The following SLIT1 variants were observed in gnomAD, a reference collection of about 807,000 sequenced individuals.
SLIT1 encodes slit homolog 1 protein.
Under a neutral mutation model 186.1 loss-of-function variants are expected in SLIT1, and 66 were observed. The observed-to-expected ratio is 0.35, with a 90% CI of 0.29 to 0.44. The LOEUF is 0.44. Among genes scored for constraint, SLIT1 ranks in the 20% least tolerant of loss-of-function variants. SLIT1 has a pLI of 1.00. For synonymous variants in SLIT1, 761 were observed against 833.8 expected (o/e 0.91, Z 1.50); for missense variants, 1,638 against 2,037.4 (o/e 0.80, Z 3.77).
intron 4 of SLIT1, among the ~76,000 whole-genome samples, chr10:97,137,053 G>T (rs1849710184): frequency 6.6e-6 from 1 of 152,134 alleles, no homozygotes; most frequent in African/African-American, 2.4e-5. Flanking sequence ...CCTGCAGTGA[G>T]GTCAAATAAA....
At chr10:97,150,332 A>T (rs1026922111) in intron 4 of SLIT1, among the ~76,000 whole-genome samples, 1 of 152,188 alleles carries the variant, frequency 6.6e-6, no homozygotes, top group African/African-American at 2.4e-5. Context: ...TCAGCAGAGA[A>T]TGCCCTCCTG....
chr10:97,078,503 C>T (rs551782117), intron 4 of SLIT1, among the ~76,000 whole-genome samples: 19 of 152,188 alleles, frequency 1.2e-4, no homozygotes, highest in African/African-American at 3.9e-4. Context: ...ACTGAGCATG[C>T]GTTCCCCCAA....
At position 97,166,569 on chromosome 10, in the gene SLIT1, G is replaced by GAGAAAGAAAGAAAGAA. The variant is rs1554854785; in HGVS notation, c.198-1695_198-1680dup. ...AAGGAAGGAAGGAAAGAGAGAGAGAGAGAAAGAAAGAAAGAAAGAAAGAAA... is the reference window on the plus strand; with the variant it reads ...AAGGAAGGAAGGAAAGAGAGAGAGAGAGAAAGAAAGAAAGAAAGAAAGAAAGAAAGAAAGAAAGAAA... On this transcript the variant is annotated intron_variant, in intron 1 of 36. Coordinates refer to ENST00000266058, the MANE Select transcript of SLIT1 (RefSeq NM_003061.3). Among the ~76,000 whole-genome samples the GAGAAAGAAAGAAAGAA allele has an allele frequency of 6.1e-4, 36 of 58,944 alleles. 1 individual carries two copies. Among genetic ancestry groups the GAGAAAGAAAGAAAGAA allele is most frequent in the Admixed American group, 7.6e-4 (4 of 5,276 alleles). 38.7% of individuals were successfully genotyped at this position (58,944 alleles called of 152,430 possible).
At chr10:97,045,168 C>G (rs568706823) in intron 18 of SLIT1, among the ~76,000 whole-genome samples, 2 of 151,862 alleles carry the variant, frequency 1.3e-5, no homozygotes, top group East Asian at 1.9e-4. Flanking sequence ...GTTATAGCAG[C>G]CTGAACCCAC....
intron 21 of SLIT1, among the ~76,000 whole-genome samples, chr10:97,039,030 T>C (rs1848666855): frequency 6.6e-6 from 1 of 152,026 alleles, no homozygotes; most frequent in Non-Finnish European, 1.5e-5. Flanking sequence ...AACTCTGCAG[T>C]AGAAAACAGG....
At chr10:97,185,265 C>A (rs979721395) in intron 1 of SLIT1, among the ~76,000 whole-genome samples, 2 of 152,252 alleles carry the variant, frequency 1.3e-5, no homozygotes, top group Admixed American at 6.5e-5. Flanking sequence ...AAGCTGACAA[C>A]CCCGCCGAGG....
intron 4 of SLIT1, among the ~76,000 whole-genome samples, chr10:97,109,953 AC>A (rs1462280567): frequency 2.6e-5 from 4 of 152,152 alleles, no homozygotes; most frequent in Admixed American, 6.5e-5. Context: ...TTACTCATAT[AC>A]CACACCCAGG....
intron 1 of SLIT1, among the ~76,000 whole-genome samples, chr10:97,182,244 T>C (rs1265124979): frequency 2.0e-5 from 3 of 152,156 alleles, no homozygotes; most frequent in Non-Finnish European, 4.4e-5. Flanking sequence ...TTCTTTCCAT[T>C]TCGGGGGACA....
chr10:97,142,188 A>G (rs1022186477), intron 4 of SLIT1, among the ~76,000 whole-genome samples: 8 of 151,986 alleles, frequency 5.3e-5, no homozygotes, highest in African/African-American at 1.9e-4. Flanking sequence ...CTCTTCTTAA[A>G]AAAAAACAAA....
At chr10:97,166,550 GGAA>G in intron 1 of SLIT1, among the ~76,000 whole-genome samples, 1 of 30,584 alleles carries the variant, frequency 3.3e-5, no homozygotes, top group East Asian at 1.1e-3. Flanking sequence ...AAGGAAGGAA[GGAA>G]GGAAAGAGAG....
intron 4 of SLIT1, among the ~76,000 whole-genome samples, chr10:97,129,161 G>C (rs1849630431): frequency 6.6e-6 from 1 of 152,110 alleles, no homozygotes; most frequent in African/African-American, 2.4e-5. Context: ...CAACACTTTG[G>C]GAGACCTAGG....
chr10:97,011,744 T>G (rs1033467017), intron 30 of SLIT1, among the ~76,000 whole-genome samples: 6 of 152,170 alleles, frequency 3.9e-5, no homozygotes, highest in African/African-American at 1.4e-4. Context: ...CCCTTTCTAG[T>G]AATGGCCTTG....
chr10:97,069,937 A>G (rs1848986760), intron 4 of SLIT1, among the ~76,000 whole-genome samples: 2 of 152,064 alleles, frequency 1.3e-5, no homozygotes, highest in East Asian at 3.9e-4. Flanking sequence ...AAGACACTGT[A>G]GCTCCCTCCT....
intron 4 of SLIT1, among the ~76,000 whole-genome samples, chr10:97,096,111 G>C (rs962732458): frequency 7.9e-5 from 12 of 152,094 alleles, no homozygotes; most frequent in Non-Finnish European, 1.2e-4. Flanking sequence ...CCTCTGCCCT[G>C]GTGTGCCAGG....
intron 8 of SLIT1, 45 bp from the exon 9 acceptor site, chr10:97,060,832 A>T (rs2134637363): frequency 6.6e-7 from 1 of 1,521,438 alleles, no homozygotes; most frequent in African/African-American, 1.4e-5. Flanking sequence ...ATGCATCAGC[A>T]CCTCCCTTGA....
chr10:97,079,133 T>C (rs906716880), intron 4 of SLIT1, among the ~76,000 whole-genome samples: 1 of 152,222 alleles, frequency 6.6e-6, no homozygotes, highest in Non-Finnish European at 1.5e-5. Flanking sequence ...TGGTTACTCA[T>C]GGGTAGAGGA....
chr10:97,036,565 T>C (rs1848640251), intron 22 of SLIT1, among the ~76,000 whole-genome samples: 1 of 152,244 alleles, frequency 6.6e-6, no homozygotes. Flanking sequence ...ATTGTTTCCA[T>C]AGCAAGACTT....
chr10:97,131,946 C>A (rs1849658147), intron 4 of SLIT1, among the ~76,000 whole-genome samples: 1 of 152,320 alleles, frequency 6.6e-6, no homozygotes, highest in Non-Finnish European at 1.5e-5. Context: ...GGCTTGGAAC[C>A]CAGCCCGGCC....
chr10:97,066,474 G>A (rs1848947655), intron 4 of SLIT1, among the ~76,000 whole-genome samples: 1 of 152,168 alleles, frequency 6.6e-6, no homozygotes, highest in Non-Finnish European at 1.5e-5. Flanking sequence ...AGTGCTGGAG[G>A]TGGGGCCTGG....
Sources: allele counts gnomAD v4.1 joint callset (sites outside exome capture counted in the v4.1 genomes callset), GRCh38; gene constraint gnomAD v4.1.1; transcripts MANE v1.5; gene names NCBI Gene and HGNC (gene_info 2026-07-23, HGNC 2026-07-21).